The following MECOM variants were observed in gnomAD, a reference collection of about 807,000 sequenced individuals.
The protein encoded by MECOM is histone-lysine N-methyltransferase MECOM.
Under a neutral mutation model 116.3 loss-of-function variants are expected in MECOM, and 13 were observed. The ratio of observed to expected loss-of-function variants is 0.11; its 90% CI spans 0.07 to 0.18. MECOM has a LOEUF of 0.18. Ranked by LOEUF, MECOM falls within the 10% of genes least tolerant of loss-of-function variation. The pLI is 1.00. For synonymous variants in MECOM, 528 were observed against 535.2 expected, an observed-to-expected ratio of 0.99 and a Z score of 0.19; for missense variants, 1,299 against 1,509.0, an observed-to-expected ratio of 0.86 and a Z score of 2.31.
rs182370460 is a variant in MECOM, at chr3:169,591,944, G to A, written c.37+71392C>T. On this transcript the variant is annotated intron_variant, in intron 1 of 16. Coordinates refer to ENST00000651503, the MANE Select transcript of MECOM (RefSeq NM_004991.4). ...AAATACTCATAAAATCAATGCTGTTGTTTTTTCTGGTCCCCACCCATTTCA... is the reference window on the plus strand; with the variant it reads ...AAATACTCATAAAATCAATGCTGTTATTTTTTCTGGTCCCCACCCATTTCA... 1.7e-4 allele frequency among the ~76,000 whole-genome samples: 26 copies of A among 152,248 alleles called. No individual in the cohort carries two copies. In the East Asian group the frequency reaches 5.0e-3, roughly 29 times the overall value.
At chr3:169,300,138 GATT>G (rs1341682242) in intron 2 of MECOM, among the ~76,000 whole-genome samples, 1 of 152,158 alleles carries the variant, frequency 6.6e-6, no homozygotes, top group Non-Finnish European at 1.5e-5. Flanking sequence ...GTCAGCCTAA[GATT>G]ATTATCTCTT....
At chr3:169,131,908 G>C (rs1378369819) in intron 3 of MECOM, 2 of 1,009,310 alleles carry the variant, frequency 2.0e-6, no homozygotes, top group Admixed American at 1.1e-4. Context: ...AATCCTGCCT[G>C]GAATTCTCCA....
rs149732624 is a variant in MECOM at position 169,632,556 on chromosome 3, T to G, written c.37+30780A>C. ...GCTAACTCACAGTCCAAAGAGGTGA[T>G]GAAGATGGCTGCCCAAGACCACATA... On this transcript the variant is annotated intron_variant, in intron 1 of 16. Coordinates refer to ENST00000651503, the MANE Select transcript of MECOM (RefSeq NM_004991.4). 6.6e-4 allele frequency among the ~76,000 whole-genome samples: 100 copies of G among 152,338 alleles called. No individual in the cohort carries two copies. In the Middle Eastern group the frequency reaches 0.024, roughly 36 times the overall value.
At chr3:169,647,103 T>C (rs1006625673) in intron 1 of MECOM, among the ~76,000 whole-genome samples, 2 of 152,246 alleles carry the variant, frequency 1.3e-5, no homozygotes, top group African/African-American at 4.8e-5. Flanking sequence ...GCCCAGGCAA[T>C]GTAGTGTTCT....
rs1776596529 is a variant in MECOM at position 169,663,481 on chromosome 3, T to C, written c.-109A>G. On this transcript the variant is annotated 5_prime_UTR_variant, in exon 1 of 17. Coordinates refer to ENST00000651503, the MANE Select transcript of MECOM (RefSeq NM_004991.4). ...TCCCTCCCTCTCTCTCCTGTCTCTC[T>C]CTCTCTCTCTCTCTCTCTCTCTCTC... The C allele has an allele frequency of 2.4e-5, 2 of 82,502 alleles. No individual in the cohort carries two copies. The highest frequency in any genetic ancestry group is 4.3e-4 in the East Asian group (2 of 4,652). 5.1% of individuals were successfully genotyped at this position (82,502 alleles called of 1,614,324 possible). A position where few individuals can be genotyped will look rare whatever the true frequency, so the allele number is the denominator to read the frequency against.
At chr3:169,497,359 C>T (rs200767261) in intron 1 of MECOM, among the ~76,000 whole-genome samples, 6,575 of 143,922 alleles carry the variant, frequency 0.046, 341 homozygotes, top group East Asian at 0.3. Context: ...TTTTTTTTTT[C>T]TTTTGAGATG....
In MECOM at chr3:169,116,186, C is replaced by A. The variant is rs1473620768; in HGVS notation, c.1686G>T (p.Glu562Asp). ...GDNKPVELQP[E>D]RSSEERPFEK... Reference sequence around the variant, plus strand: ...CAAAGGGCCTCTCTTCAGAGGACCTCTCGGGCTGGAGCTCCACTGGCTTAT... The same window carrying A: ...CAAAGGGCCTCTCTTCAGAGGACCTATCGGGCTGGAGCTCCACTGGCTTAT... Residue 562 changes from glutamate to aspartate, a missense_variant, in exon 8 of 17, where the codon GAG (glutamate) becomes GAT (aspartate). Transcript: ENST00000651503. 5 of 1,614,182 alleles carry A rather than the reference C, an allele frequency of 3.1e-6. No homozygotes were observed. The East Asian group carries it at 1.1e-4, about 36-fold the overall frequency.
At position 169,464,958 on chromosome 3, in the gene MECOM, A is replaced by T. The variant is rs146924426; in HGVS notation, c.38-83434T>A. Reference sequence around the variant, plus strand: ...TCCAAATATCAAGCCAAATATATTTAATATTTAAAATGTTGAAAATGTTTC... The same window carrying T: ...TCCAAATATCAAGCCAAATATATTTTATATTTAAAATGTTGAAAATGTTTC... On this transcript the variant is annotated intron_variant, in intron 1 of 16. Coordinates refer to ENST00000651503, the MANE Select transcript of MECOM (RefSeq NM_004991.4). 8.1e-4 allele frequency among the ~76,000 whole-genome samples: 123 copies of T among 152,248 alleles called. No individual in the cohort carries two copies. The East Asian group carries it at 0.022, about 27-fold the overall frequency.
At chr3:169,630,453 A>T (rs966785400) in intron 1 of MECOM, among the ~76,000 whole-genome samples, 50 of 31,782 alleles carry the variant, frequency 1.6e-3, no homozygotes, top group African/African-American at 6.8e-3. Context: ...ATTTATTCTT[A>T]AAAAAAAAAA....
At chr3:169,381,673 C>T (rs1732415436) in intron 1 of MECOM, 149 bp from the exon 2 acceptor site, 10 of 659,978 alleles carry the variant, frequency 1.5e-5, no homozygotes. Context: ...TTATTATTTA[C>T]AGGCCAGGGA....
chr3:169,212,634 ATGTATATATATAT>A (rs1750895849), intron 2 of MECOM, among the ~76,000 whole-genome samples: 2 of 6,056 alleles, frequency 3.3e-4, no homozygotes, highest in Admixed American at 1.9e-3. Context: ...CTAGTCAGCA[ATGTATATATATAT>A]ATATATATAT....
intron 1 of MECOM, among the ~76,000 whole-genome samples, chr3:169,544,599 A>G (rs1760487579): frequency 6.6e-6 from 1 of 152,248 alleles, no homozygotes; most frequent in African/African-American, 2.4e-5. Flanking sequence ...TATTTACAAT[A>G]GCAAAGACGT....
intron 1 of MECOM, among the ~76,000 whole-genome samples, chr3:169,518,313 C>T (rs1219620697): frequency 6.6e-6 from 1 of 151,878 alleles, no homozygotes; most frequent in African/African-American, 2.4e-5. Context: ...CTGGTGTTCT[C>T]CAATTTAATT....
intron 14 of MECOM, among the ~76,000 whole-genome samples, chr3:169,092,254 C>T: frequency 6.6e-6 from 1 of 151,934 alleles, no homozygotes; most frequent in Admixed American, 6.6e-5. Flanking sequence ...TTCATACCCA[C>T]TGAAACAAAC....
chr3:169,207,054 C>T (rs1384421042), intron 2 of MECOM, among the ~76,000 whole-genome samples: 3 of 152,136 alleles, frequency 2.0e-5, no homozygotes, highest in Non-Finnish European at 4.4e-5. Flanking sequence ...TATCTTGAGG[C>T]ATAGTGACTT....
intron 1 of MECOM, among the ~76,000 whole-genome samples, chr3:169,485,930 ATAGTATATATGTATGTATATATG>A (rs1560340226): frequency 1.2e-5 from 1 of 82,148 alleles, no homozygotes; most frequent in African/African-American, 5.7e-5. Context: ...TATAGTATAT[ATAGTATATATGTATGTATATATG>A]TACATATATA....
At chr3:169,180,028 A>G (rs1389930444) in intron 2 of MECOM, among the ~76,000 whole-genome samples, 9 of 152,200 alleles carry the variant, frequency 5.9e-5, no homozygotes, top group Non-Finnish European at 1.3e-4. Context: ...AAGAAAAAAG[A>G]CAATTTTCAG....
intron 2 of MECOM, among the ~76,000 whole-genome samples, chr3:169,251,239 T>C (rs1174420762): frequency 6.6e-6 from 1 of 152,194 alleles, no homozygotes; most frequent in African/African-American, 2.4e-5. Flanking sequence ...ATCATTCCTT[T>C]CTATAAACTT....
At chr3:169,162,915 A>T (rs1365580588) in intron 2 of MECOM, among the ~76,000 whole-genome samples, 3 of 152,178 alleles carry the variant, frequency 2.0e-5, no homozygotes, top group Non-Finnish European at 4.4e-5. Context: ...GTTCATATCC[A>T]GGCATAACGT....
Sources: allele counts gnomAD v4.1 joint callset (sites outside exome capture counted in the v4.1 genomes callset), GRCh38; gene constraint gnomAD v4.1.1; transcripts MANE v1.5; gene names NCBI Gene and HGNC (gene_info 2026-07-23, HGNC 2026-07-21).